Variants in SORCS1 observed in about 807,000 individuals in gnomAD.
SORCS1 encodes the protein VPS10 domain-containing receptor SorCS1.
In SORCS1, 60 loss-of-function variants were observed where a neutral mutation model predicts 146.1. That is an observed-to-expected ratio of 0.41 (90% CI 0.33 to 0.51). SORCS1 has a LOEUF of 0.51. Ranked by LOEUF, SORCS1 falls within the 20% of genes least tolerant of loss-of-function variation. SORCS1 has a pLI of 0.21. For missense variants in SORCS1, 1,352 were observed against 1,487.6 expected, an observed-to-expected ratio of 0.91 and a Z score of 1.50; for synonymous variants, 637 against 584.0, an observed-to-expected ratio of 1.09 and a Z score of -1.31.
Position 106,582,455 on chromosome 10 carries a change from G to A in SORCS1, c.3266-2981C>T, listed in dbSNP as rs140615181. On this transcript the variant is annotated intron_variant, in intron 24 of 25. Transcript: ENST00000263054. ...ACTGACTACCACTGCCCTCTGTTCC[G>A]TGGGTGGTGTCTGCTTGCTGATTGG... 1.5e-3 allele frequency among the ~76,000 whole-genome samples: 236 copies of A among 152,294 alleles called. 1 individual carries two copies. Among genetic ancestry groups the A allele is most frequent in the African/African-American group, 5.4e-3 (225 of 41,554 alleles).
intron 6 of SORCS1, among the ~76,000 whole-genome samples, chr10:106,714,460 A>G (rs1855221538): frequency 6.6e-6 from 1 of 152,162 alleles, no homozygotes; most frequent in Admixed American, 6.5e-5. Context: ...AAAATATACC[A>G]TGGTTACATA....
At chr10:107,026,583 A>G (rs1347290752) in intron 1 of SORCS1, among the ~76,000 whole-genome samples, 2 of 150,852 alleles carry the variant, frequency 1.3e-5, no homozygotes, top group South Asian at 4.2e-4. Flanking sequence ...GCGCCACCAC[A>G]CTCCAGCCTG....
chr10:106,704,666 G>T (rs192613659), intron 8 of SORCS1, among the ~76,000 whole-genome samples: 1 of 152,236 alleles, frequency 6.6e-6, no homozygotes, highest in Admixed American at 6.5e-5. Flanking sequence ...CTCCAGCCTG[G>T]GTGACAGAGC....
At chr10:107,119,918 G>A (rs781241800) in intron 1 of SORCS1, among the ~76,000 whole-genome samples, 6 of 152,086 alleles carry the variant, frequency 3.9e-5, no homozygotes, top group Admixed American at 6.6e-5. Context: ...GGAACTATCC[G>A]TTTACAGCCA....
At chr10:106,904,291 C>T (rs1317471549) in intron 2 of SORCS1, among the ~76,000 whole-genome samples, 1 of 152,130 alleles carries the variant, frequency 6.6e-6, no homozygotes, top group Non-Finnish European at 1.5e-5. Context: ...ACTTTTACTT[C>T]GTGTTTTTTA....
intron 15 of SORCS1, 111 bp downstream of exon 15, chr10:106,672,757 A>G (rs560721035): frequency 1.4e-5 from 11 of 785,734 alleles, no homozygotes; most frequent in Non-Finnish European, 2.1e-5. Flanking sequence ...AAAACAGTAG[A>G]TGGACATTTT....
At chr10:106,939,349 A>T (rs1294077786) in intron 2 of SORCS1, among the ~76,000 whole-genome samples, 1 of 152,230 alleles carries the variant, frequency 6.6e-6, no homozygotes, top group Non-Finnish European at 1.5e-5. Flanking sequence ...TGGGGAAGAC[A>T]AACTTGTGAA....
At chr10:106,908,304 A>C (rs1952001859) in intron 2 of SORCS1, among the ~76,000 whole-genome samples, 1 of 152,326 alleles carries the variant, frequency 6.6e-6, no homozygotes. Flanking sequence ...TATGTCTTAA[A>C]TACGGGTTAG....
At chr10:106,609,233 A>C (rs1846810405) in intron 22 of SORCS1, among the ~76,000 whole-genome samples, 1 of 152,212 alleles carries the variant, frequency 6.6e-6, no homozygotes, top group Non-Finnish European at 1.5e-5. Flanking sequence ...CTATTACAGC[A>C]AACCCCACAC....
chr10:106,651,226 G>T (rs1849838138), intron 18 of SORCS1, among the ~76,000 whole-genome samples: 2 of 152,108 alleles, frequency 1.3e-5, no homozygotes, highest in Non-Finnish European at 2.9e-5. Flanking sequence ...TTTTTCCTAT[G>T]AGAATCAAAA....
intron 2 of SORCS1, among the ~76,000 whole-genome samples, chr10:106,942,687 T>A (rs1954105271): frequency 6.6e-6 from 1 of 152,128 alleles, no homozygotes; most frequent in Non-Finnish European, 1.5e-5. Flanking sequence ...GCCTCCTCTC[T>A]TGGTAAAAGG....
At chr10:106,754,697 T>G (rs529054079) in intron 5 of SORCS1, among the ~76,000 whole-genome samples, 1 of 152,300 alleles carries the variant, frequency 6.6e-6, no homozygotes, top group East Asian at 1.9e-4. Context: ...CATGCTGAAA[T>G]GCACTGAGTA....
intron 1 of SORCS1, among the ~76,000 whole-genome samples, chr10:107,107,578 T>A (rs1392049007): frequency 6.6e-6 from 1 of 152,224 alleles, no homozygotes; most frequent in Non-Finnish European, 1.5e-5. Flanking sequence ...AGCAAAATAG[T>A]GGAATAAGAG....
chr10:106,857,242 C>T (rs1472419665), intron 2 of SORCS1, among the ~76,000 whole-genome samples: 3 of 152,192 alleles, frequency 2.0e-5, no homozygotes, highest in Admixed American at 6.5e-5. Flanking sequence ...GCTGCTCCTT[C>T]GGTAAGGCTT....
intron 2 of SORCS1, among the ~76,000 whole-genome samples, chr10:106,844,012 A>C (rs1949188987): frequency 6.6e-6 from 1 of 152,176 alleles, no homozygotes; most frequent in African/African-American, 2.4e-5. Flanking sequence ...CACTCCCACC[A>C]CAAGTGTACA....
At chr10:107,159,201 A>T (rs1969524300) in intron 1 of SORCS1, among the ~76,000 whole-genome samples, 1 of 152,210 alleles carries the variant, frequency 6.6e-6, no homozygotes, top group Admixed American at 6.5e-5. Context: ...GAACCTTGTG[A>T]AATAAAAGGT....
chr10:107,024,704 T>C (rs1024697547), intron 1 of SORCS1, among the ~76,000 whole-genome samples: 1 of 152,184 alleles, frequency 6.6e-6, no homozygotes, highest in Non-Finnish European at 1.5e-5. Context: ...TCAATCTTGT[T>C]TTATTTGTAC....
intron 2 of SORCS1, among the ~76,000 whole-genome samples, chr10:106,911,131 G>T (rs1001193356): frequency 6.6e-6 from 1 of 152,220 alleles, no homozygotes; most frequent in African/African-American, 2.4e-5. Context: ...GCAAGTCAAA[G>T]TATTCTGTAA....
At chr10:106,674,405 C>T (rs1851870779) in intron 14 of SORCS1, among the ~76,000 whole-genome samples, 1 of 137,854 alleles carries the variant, frequency 7.3e-6, no homozygotes, top group East Asian at 2.3e-4. Context: ...TTGACTTTGG[C>T]TTGAAAGTTT....
Sources: gnomAD v4.1 joint callset for allele counts (sites outside exome capture counted in the v4.1 genomes callset) on GRCh38, gnomAD v4.1.1 for gene constraint, MANE v1.5 for transcripts, NCBI Gene and HGNC (gene_info 2026-07-23, HGNC 2026-07-21) for gene names.